Variants in MGAT5 observed in about 807,000 individuals in gnomAD.
MGAT5 encodes alpha-1,6-mannosylglycoprotein 6-beta-N-acetylglucosaminyltransferase, also known as alpha-1,6-mannosylglycoprotein 6-beta-N-acetylglucosaminyltransferase A.
MGAT5 carries 30 observed loss-of-function variants against 94.3 expected under a neutral mutation model. The ratio of observed to expected loss-of-function variants is 0.32; its 90% confidence interval spans 0.24 to 0.43. The LOEUF (loss-of-function observed/expected upper bound fraction) is 0.43, where lower values mean the gene tolerates loss of function less well. MGAT5 is among the 20% of genes least tolerant of loss of function. MGAT5 has a pLI of 1.00. For synonymous variants in MGAT5, 310 were observed against 322.9 expected (o/e 0.96, Z 0.43); for missense variants, 691 against 905.5 (o/e 0.76, Z 3.04).
chr2:134,359,412 ACT>A (rs1679943829), intron 9 of MGAT5, among the ~76,000 whole-genome samples: 1 of 152,156 alleles, frequency 6.6e-6, no homozygotes, highest in South Asian at 2.1e-4. Flanking sequence ...TTAAACCAAA[ACT>A]CTGTTTTCTT....
At chr2:134,270,753 A>G (rs1683980452) in intron 2 of MGAT5, among the ~76,000 whole-genome samples, 1 of 152,222 alleles carries the variant, frequency 6.6e-6, no homozygotes, top group South Asian at 2.1e-4. Context: ...ATGATGCATA[A>G]TATTTGGTGG....
chr2:134,367,862 A>G (rs1237022112), intron 10 of MGAT5, among the ~76,000 whole-genome samples: 1 of 152,268 alleles, frequency 6.6e-6, no homozygotes, highest in African/African-American at 2.4e-5. Flanking sequence ...TTGATAATAA[A>G]GGAGTCGTGA....
chr2:134,381,540 T>TAGATAGATAGAC (rs1681629555), intron 10 of MGAT5, among the ~76,000 whole-genome samples: 1 of 13,400 alleles, frequency 7.5e-5, no homozygotes, highest in Non-Finnish European at 6.1e-4. Context: ...GACAGACAGA[T>TAGATAGATAGAC]AGATAGATAG....
chr2:134,384,291 C>T (rs1681828676), intron 10 of MGAT5, among the ~76,000 whole-genome samples: 1 of 151,388 alleles, frequency 6.6e-6, no homozygotes. Context: ...CTCTCTCTCT[C>T]TCCGGGCATA....
chr2:134,206,520 T>C lies in MGAT5; in HGVS notation c.-142-47742T>C, dbSNP rs896954193. Among the ~76,000 whole-genome samples the C allele has an allele frequency of 3.3e-5, 5 of 152,100 alleles. No homozygotes were observed. The East Asian group carries it at 9.6e-4, about 29-fold the overall frequency. ...CATGTTTATTTTATGGTTCTGGAGG[T>C]AAGAAATCTGAAACGGCTCTGTAGT... On this transcript the variant is annotated intron_variant, in intron 1 of 16. Coordinates refer to the MGAT5 transcript ENST00000409645.
At chr2:134,157,776 C>G (rs903040902) in intron 1 of MGAT5, among the ~76,000 whole-genome samples, 3 of 151,962 alleles carry the variant, frequency 2.0e-5, no homozygotes, top group African/African-American at 7.3e-5. Flanking sequence ...AGTGACAGAT[C>G]ATCAGGCATT....
At chr2:134,357,661 C>T (rs375474332) in intron 9 of MGAT5, among the ~76,000 whole-genome samples, 37 of 152,308 alleles carry the variant, frequency 2.4e-4, no homozygotes, top group East Asian at 1.3e-3. Context: ...GGATCAGCCT[C>T]GTGGTTCCTT....
chr2:134,178,671 C>T lies in MGAT5; in HGVS notation c.-143+58380C>T, dbSNP rs79396010. On this transcript the variant is annotated intron_variant, in intron 1 of 16. Transcript: ENST00000409645. ...TGGCACAAGGATTATAACGTTGGTG[C>T]AAAGGAAGATAAGTCGAGGAGTAAG... Among the ~76,000 whole-genome samples the T allele has an allele frequency of 0.015, 2,287 of 152,234 alleles. 188 individuals are homozygous for T. In the East Asian group the frequency reaches 0.24, roughly 16 times the overall value.
intron 1 of MGAT5, among the ~76,000 whole-genome samples, chr2:134,166,291 T>C (rs757077042): frequency 2.0e-5 from 3 of 152,244 alleles, no homozygotes; most frequent in Non-Finnish European, 4.4e-5. Context: ...AAATCATGTC[T>C]CTGGTCAACA....
intron 13 of MGAT5, among the ~76,000 whole-genome samples, chr2:134,423,697 G>C (rs1047857146): frequency 2.6e-5 from 4 of 152,218 alleles, no homozygotes; most frequent in Non-Finnish European, 4.4e-5. Context: ...TGTGGGTTCA[G>C]TTCTAGCTCT....
intron 10 of MGAT5, among the ~76,000 whole-genome samples, chr2:134,394,250 G>A (rs190908695): frequency 4.3e-4 from 66 of 152,310 alleles, no homozygotes; most frequent in African/African-American, 1.5e-3. Flanking sequence ...TTACAAGAAA[G>A]CAATTACTTT....
intron 1 of MGAT5, among the ~76,000 whole-genome samples, chr2:134,248,659 A>G (rs1180643940): frequency 6.7e-6 from 1 of 149,596 alleles, no homozygotes; most frequent in Non-Finnish European, 1.5e-5. Flanking sequence ...AGGTCTGGGA[A>G]CCACTAAGTT....
At chr2:134,187,385 G>C (rs1257177) in intron 1 of MGAT5, among the ~76,000 whole-genome samples, 27,952 of 152,122 alleles carry the variant, frequency 0.18, 2,805 homozygotes, top group South Asian at 0.35. Context: ...TGAGGGGAGG[G>C]AGGTAATGAT....
intron 4 of MGAT5, among the ~76,000 whole-genome samples, chr2:134,327,139 T>TA (rs545592103): frequency 9.2e-5 from 14 of 151,940 alleles, no homozygotes; most frequent in East Asian, 7.7e-4. Context: ...CTTCCGATCT[T>TA]AAAAAAAATG....
At chr2:134,248,958 G>A (rs1367926901) in intron 1 of MGAT5, among the ~76,000 whole-genome samples, 1 of 151,966 alleles carries the variant, frequency 6.6e-6, no homozygotes, top group African/African-American at 2.4e-5. Flanking sequence ...ATTGGCATTT[G>A]CCAGACAAGG....
rs748894740 is a variant in MGAT5 at position 134,448,685 on chromosome 2, G to A, written c.2064G>A (p.Lys688=). Residue 688 remains lysine (K), a synonymous_variant, in exon 16 of 16, where the codon AAG becomes AAA. Coordinates refer to ENST00000281923, the MANE Select transcript of MGAT5 (RefSeq NM_002410.5). The stretch of plus-strand genomic sequence containing the variant: ...CCTGCCAAAGCTCAGAGCTGGCCAA[G>A]GACATCCTGGTGCCCTCCTTTGACC... ...KVTCQSSELA[K]DILVPSFDPK... is the part of the protein sequence containing the mutation. 182 of 1,614,082 alleles carry A rather than the reference G, an allele frequency of 1.1e-4. No homozygotes were observed. Among genetic ancestry groups the A allele is most frequent in the Non-Finnish European group, 1.5e-4 (177 of 1,180,048 alleles).
At chr2:134,433,505 C>T (rs186471108) in intron 14 of MGAT5, among the ~76,000 whole-genome samples, 1 of 152,304 alleles carries the variant, frequency 6.6e-6, no homozygotes, top group African/African-American at 2.4e-5. Context: ...ATGGAGATTG[C>T]TGCCTACTGC....
intron 1 of MGAT5, among the ~76,000 whole-genome samples, chr2:134,121,113 G>T (rs1573692416): frequency 1.3e-5 from 2 of 152,306 alleles, no homozygotes; most frequent in East Asian, 1.9e-4. Context: ...GGGAGACGTG[G>T]GCGCCGCTCT....
chr2:134,304,411 C>T (rs1686209658), intron 2 of MGAT5, among the ~76,000 whole-genome samples: 1 of 152,148 alleles, frequency 6.6e-6, no homozygotes, highest in Admixed American at 6.5e-5. Context: ...TCAGTGCCTT[C>T]TAAGAGCTAA....
Sources: allele counts gnomAD v4.1 joint callset (sites outside exome capture counted in the v4.1 genomes callset), GRCh38; gene constraint gnomAD v4.1.1; transcripts MANE v1.5; gene names NCBI Gene and HGNC (gene_info 2026-07-23, HGNC 2026-07-21).